ZFPM1: variants seen among roughly 807,000 people sequenced by gnomAD.
ZFPM1 encodes the protein zinc finger protein ZFPM1.
In ZFPM1, 28 loss-of-function variants were observed where a neutral mutation model predicts 46.3. The ratio of observed to expected loss-of-function variants is 0.60; its 90% CI spans 0.45 to 0.83. The LOEUF is 0.83. Ranked by LOEUF, ZFPM1 falls within the 40% of genes least tolerant of loss-of-function variation. The pLI is 0.00. For synonymous variants in ZFPM1, 957 were observed against 675.9 expected (o/e 1.42, Z -6.45); for missense variants, 1,878 against 1,432.4 (o/e 1.31, Z -5.02).
Position 88,534,238 on chromosome 16 carries a change from C to T in ZFPM1, c.2280C>T (p.Pro760=), listed in dbSNP as rs1378195248. Residue 760 remains proline (P), a synonymous_variant, in exon 10 of 10, where the codon CCC becomes CCT. Transcript: ENST00000319555. ...CCGGCGCCCCGCCCCCCCCGCCGCC[C>T]GGCCACGCCCCCGCGCCCGAGTCGC... ...HAAGAPPPPP[P]GHAPAPESPR... The T allele has an allele frequency of 1.0e-5, 10 of 994,646 alleles. No homozygotes were observed. The African/African-American group carries it at 1.4e-4, about 14-fold the overall frequency. The allele number at this position is 994,646 out of a possible 1,614,324, so 61.6% of individuals were successfully genotyped here.
chr16:88,467,635 A>C (rs1323804376), intron 1 of ZFPM1, among the ~76,000 whole-genome samples: 1 of 152,162 alleles, frequency 6.6e-6, no homozygotes, highest in Non-Finnish European at 1.5e-5. Flanking sequence ...CGGGCCTCGC[A>C]GCTGCCTTGG....
chr16:88,456,490 G>T (rs934217450), intron 1 of ZFPM1, among the ~76,000 whole-genome samples: 23 of 152,212 alleles, frequency 1.5e-4, no homozygotes, highest in African/African-American at 5.1e-4. Flanking sequence ...TGCCTGGGCT[G>T]AGCACTGTTT....
At chr16:88,498,839 C>A (rs1456325727) in intron 3 of ZFPM1, among the ~76,000 whole-genome samples, 2 of 152,222 alleles carry the variant, frequency 1.3e-5, no homozygotes, top group Non-Finnish European at 2.9e-5. Context: ...GCTGGCCTGA[C>A]CCTGGGTCGT....
At chr16:88,467,231 C>T (rs1188255079) in intron 1 of ZFPM1, among the ~76,000 whole-genome samples, 1 of 152,186 alleles carries the variant, frequency 6.6e-6, no homozygotes, top group Admixed American at 6.5e-5. Flanking sequence ...ATAGTTGCCA[C>T]AGTCACCCAG....
At chr16:88,453,863 G>T (rs994835389) in intron 1 of ZFPM1, among the ~76,000 whole-genome samples, 185 bp downstream of exon 1, 1 of 151,834 alleles carries the variant, frequency 6.6e-6, no homozygotes, top group Admixed American at 6.5e-5. Flanking sequence ...GGGCCCCCGC[G>T]TCTCGGCTTG....
At chr16:88,493,099 GCGGGGAGC>G (rs1909685041) in intron 3 of ZFPM1, among the ~76,000 whole-genome samples, 1 of 145,680 alleles carries the variant, frequency 6.9e-6, no homozygotes, top group African/African-American at 2.5e-5. Flanking sequence ...GTCCCGGGGT[GCGGGGAGC>G]TGTCCCGGGG....
At chr16:88,511,798 G>C (rs1910979171) in intron 3 of ZFPM1, among the ~76,000 whole-genome samples, 1 of 152,178 alleles carries the variant, frequency 6.6e-6, no homozygotes, top group Non-Finnish European at 1.5e-5. Flanking sequence ...GCTAAGATCA[G>C]CCATGCTCCC....
At chr16:88,519,537 T>G (rs1205348733) in intron 4 of ZFPM1, among the ~76,000 whole-genome samples, 1 of 147,400 alleles carries the variant, frequency 6.8e-6, no homozygotes, top group Non-Finnish European at 1.5e-5. Flanking sequence ...AATGAGTGGG[T>G]GGGTGGCTGA....
chr16:88,478,797 A>G (rs900578256), intron 1 of ZFPM1, among the ~76,000 whole-genome samples: 1 of 152,136 alleles, frequency 6.6e-6, no homozygotes, highest in African/African-American at 2.4e-5. Flanking sequence ...CCCCAAGGCA[A>G]GGGCGGCAGG....
Position 88,533,497 on chromosome 16 carries a change from G to T in ZFPM1, c.1539G>T (p.Pro513=). The change falls in exon 10 of 10, where the codon CCG becomes CCT. Residue 513 remains proline (P), a synonymous_variant. Coordinates refer to ENST00000319555, the MANE Select transcript of ZFPM1 (RefSeq NM_153813.3). The part of the protein sequence containing the change: ...ELSSPTPGSS[P]VPGELGLAGA... ...CCAGCCCCACGCCGGGCTCCAGCCC[G>T]GTGCCCGGCGAGCTGGGCCTGGCCG... is the stretch of plus-strand genomic sequence containing the variant. 7.1e-7 allele frequency: 1 copy of T among 1,402,238 alleles called. No homozygotes were observed. Among genetic ancestry groups the T allele is most frequent in the Non-Finnish European group, 9.2e-7 (1 of 1,083,708 alleles). 86.9% of individuals were successfully genotyped at this position (1,402,238 alleles called of 1,614,324 possible). A position where few individuals can be genotyped will look rare whatever the true frequency, so the allele number is the denominator to read the frequency against.
At chr16:88,496,565 C>T (rs997795522) in intron 3 of ZFPM1, among the ~76,000 whole-genome samples, 5 of 151,880 alleles carry the variant, frequency 3.3e-5, no homozygotes, top group Non-Finnish European at 2.9e-5. Context: ...AACAGGGGGG[C>T]TCCCCTGGAC....
chr16:88,504,300 C>T (rs866259966), intron 3 of ZFPM1, among the ~76,000 whole-genome samples: 2 of 152,294 alleles, frequency 1.3e-5, no homozygotes, highest in Middle Eastern at 3.4e-3. Flanking sequence ...ATCCTGTTTT[C>T]AGCCACCAAT....
chr16:88,487,657 A>C (rs953501040), intron 2 of ZFPM1, among the ~76,000 whole-genome samples: 7 of 152,092 alleles, frequency 4.6e-5, no homozygotes, highest in African/African-American at 1.7e-4. Flanking sequence ...AGCATTTCCC[A>C]GTCTGAGTGT....
rs746715416 is a variant in ZFPM1 at position 88,532,598 on chromosome 16, G to A, written c.947-16G>A. On this transcript the variant is annotated splice_polypyrimidine_tract_variant and intron_variant, in intron 7 of 9. Transcript: ENST00000319555. ...AAGCTGGCCCGGGCACCGCTCTTACGCGCCCTGTGTTCCAGGAGAGCGGCC... is the reference window on the plus strand; with the variant it reads ...AAGCTGGCCCGGGCACCGCTCTTACACGCCCTGTGTTCCAGGAGAGCGGCC... The A allele has an allele frequency of 4.5e-6, 7 of 1,554,046 alleles. No individual in the cohort carries two copies. Among genetic ancestry groups the A allele is most frequent in the African/African-American group, 4.1e-5 (3 of 73,308 alleles).
intron 1 of ZFPM1, among the ~76,000 whole-genome samples, chr16:88,460,293 A>G (rs1023439318): frequency 6.6e-6 from 1 of 152,140 alleles, no homozygotes. Flanking sequence ...CCCGGAGAGC[A>G]GTGGGCTGCT....
At chr16:88,486,150 T>A in intron 2 of ZFPM1, 107 bp downstream of exon 2, 3 of 1,157,402 alleles carry the variant, frequency 2.6e-6, no homozygotes, top group Non-Finnish European at 3.7e-6. Flanking sequence ...GGGCCAACTA[T>A]ATGCAGGAGT....
intron 3 of ZFPM1, among the ~76,000 whole-genome samples, chr16:88,501,289 CCCTCCCG>C (rs1910283920): frequency 1.6e-5 from 2 of 125,470 alleles, no homozygotes; most frequent in Non-Finnish European, 3.4e-5. Flanking sequence ...GGTGCGGGGG[CCCTCCCG>C]CAGGTGCTGG....
chr16:88,524,985 G>A (rs1345484470), intron 4 of ZFPM1, among the ~76,000 whole-genome samples: 1 of 152,238 alleles, frequency 6.6e-6, no homozygotes, highest in Non-Finnish European at 1.5e-5. Context: ...CCGTTCTGTG[G>A]CTGAGCCGTG....
At chr16:88,499,718 G>T (rs1412066222) in intron 3 of ZFPM1, among the ~76,000 whole-genome samples, 1 of 152,204 alleles carries the variant, frequency 6.6e-6, no homozygotes, top group Non-Finnish European at 1.5e-5. Context: ...TCACAGATGG[G>T]AAACTGAGGC....
Sources: gnomAD v4.1 joint callset for allele counts (sites outside exome capture counted in the v4.1 genomes callset) on GRCh38, gnomAD v4.1.1 for gene constraint, MANE v1.5 for transcripts, NCBI Gene and HGNC (gene_info 2026-07-23, HGNC 2026-07-21) for gene names.